ADAMTS3: variants seen among roughly 807,000 people sequenced by gnomAD.
The protein encoded by ADAMTS3 is A disintegrin and metalloproteinase with thrombospondin motifs 3.
A neutral mutation model predicts 129.0 loss-of-function variants in ADAMTS3; 73 were observed. That is an observed-to-expected ratio of 0.57 (90% CI 0.47 to 0.69). The LOEUF (loss-of-function observed/expected upper bound fraction) is 0.69, where lower values mean the gene tolerates loss of function less well. Ranked by LOEUF, ADAMTS3 falls within the 30% of genes least tolerant of loss-of-function variation. The pLI is 0.00. For missense variants in ADAMTS3, 1,457 were observed against 1,514.5 expected, an observed-to-expected ratio of 0.96 and a Z score of 0.63; for synonymous variants, 477 against 510.8, an observed-to-expected ratio of 0.93 and a Z score of 0.89.
At chr4:72,427,631 A>G (rs1162247780) in intron 3 of ADAMTS3, among the ~76,000 whole-genome samples, 1 of 152,102 alleles carries the variant, frequency 6.6e-6, no homozygotes, top group Non-Finnish European at 1.5e-5. Flanking sequence ...AAGGAAAAAA[A>G]CAGAGACAAA....
intron 3 of ADAMTS3, among the ~76,000 whole-genome samples, chr4:72,529,977 A>AT (rs1720938159): frequency 0.12 from 65 of 520 alleles, 17 homozygotes; most frequent in African/African-American, 0.14. Context: ...ATTTATATAT[A>AT]AATATAATAT....
intron 3 of ADAMTS3, among the ~76,000 whole-genome samples, chr4:72,482,052 G>A (rs1719451012): frequency 6.6e-6 from 1 of 152,040 alleles, no homozygotes; most frequent in Admixed American, 6.5e-5. Context: ...CGTTGCTGGT[G>A]GGAATGTAAA....
At chr4:72,386,917 A>G (rs909543527) in intron 4 of ADAMTS3, among the ~76,000 whole-genome samples, 2 of 152,202 alleles carry the variant, frequency 1.3e-5, no homozygotes, top group African/African-American at 4.8e-5. Flanking sequence ...TGACCTTCCT[A>G]TTTTAAAAAT....
rs142257718 is a variant in ADAMTS3, at chr4:72,516,651, G to A, written c.504+31827C>T. Among the ~76,000 whole-genome samples, 885 of 152,228 alleles carry A rather than the reference G, an allele frequency of 5.8e-3. 2 individuals carry two copies. Among genetic ancestry groups the A allele is most frequent in the African/African-American group, 0.02 (849 of 41,536 alleles). On this transcript the variant is annotated intron_variant, in intron 3 of 21. Coordinates refer to ENST00000286657, the MANE Select transcript of ADAMTS3 (RefSeq NM_014243.3). ...GGCTCTCTGCTAGTCCGTTATTGGT[G>A]TATAAGAATGCTTGTGATTTTTGTA...
intron 3 of ADAMTS3, among the ~76,000 whole-genome samples, chr4:72,430,827 T>TAAAAAA (rs5859322): frequency 1.4e-5 from 2 of 143,202 alleles, no homozygotes; most frequent in Non-Finnish European, 1.5e-5. Context: ...CCAAAATCAT[T>TAAAAAA]AAAAAAAAAA....
intron 2 of ADAMTS3, among the ~76,000 whole-genome samples, chr4:72,553,852 C>T (rs1185721264): frequency 6.6e-6 from 1 of 152,174 alleles, no homozygotes; most frequent in Non-Finnish European, 1.5e-5. Context: ...AAGCCTCATT[C>T]TCCACTTCAG....
intron 4 of ADAMTS3, among the ~76,000 whole-genome samples, chr4:72,361,007 C>T (rs1342810503): frequency 2.0e-5 from 3 of 152,084 alleles, no homozygotes; most frequent in South Asian, 2.1e-4. Flanking sequence ...TTCTCAGGAA[C>T]TCTTTCGGGG....
rs866942279 is a variant in ADAMTS3 at position 72,455,834 on chromosome 4, G to C, written c.505-40863C>G. On this transcript the variant is annotated intron_variant, in intron 3 of 21. Coordinates refer to ENST00000286657, the MANE Select transcript of ADAMTS3 (RefSeq NM_014243.3). The stretch of plus-strand genomic sequence containing the variant: ...ATATATTTTACATATAGTATATACA[G>C]TGTATATACTATATATTTTATATAT... Among the ~76,000 whole-genome samples, 75 of 79,120 alleles carry C rather than the reference G, an allele frequency of 9.5e-4. 1 individual carries two copies. Among genetic ancestry groups the C allele is most frequent in the African/African-American group, 3.6e-3 (65 of 18,038 alleles). The allele number at this position is 79,120 out of a possible 152,430, so 51.9% of individuals were successfully genotyped here.
intron 3 of ADAMTS3, among the ~76,000 whole-genome samples, chr4:72,486,294 C>T (rs1021120419): frequency 6.6e-6 from 1 of 152,184 alleles, no homozygotes; most frequent in Admixed American, 6.6e-5. Context: ...TACTCCAACA[C>T]CCAAAATGTA....
intron 3 of ADAMTS3, among the ~76,000 whole-genome samples, chr4:72,529,767 TATG>T (rs966762854): frequency 4.7e-5 from 5 of 105,458 alleles, no homozygotes; most frequent in South Asian, 2.5e-4. Flanking sequence ...AATATTAATA[TATG>T]TTAATTAATA....
chr4:72,351,928 T>C (rs1720448237), intron 4 of ADAMTS3, among the ~76,000 whole-genome samples: 1 of 151,926 alleles, frequency 6.6e-6, no homozygotes, highest in Non-Finnish European at 1.5e-5. Context: ...AAATAAATTT[T>C]ATAAATTAGC....
intron 3 of ADAMTS3, among the ~76,000 whole-genome samples, chr4:72,514,537 T>C (rs1347020768): frequency 2.0e-5 from 3 of 152,188 alleles, no homozygotes; most frequent in African/African-American, 7.2e-5. Context: ...TAGATTTTTA[T>C]CCAGCTAGGC....
intron 11 of ADAMTS3, 37 bp from the exon 12 acceptor site, chr4:72,313,859 G>A (rs376473602): frequency 1.9e-5 from 30 of 1,610,768 alleles, no homozygotes; most frequent in Admixed American, 6.7e-5. Context: ...TTAAAATCAC[G>A]CATACACTAA....
At chr4:72,523,990 T>C (rs910994419) in intron 3 of ADAMTS3, among the ~76,000 whole-genome samples, 5 of 152,200 alleles carry the variant, frequency 3.3e-5, no homozygotes, top group Non-Finnish European at 2.9e-5. Context: ...ACTAAAACTA[T>C]GTAACCTAAT....
chr4:72,490,709 C>A (rs1218346766), intron 3 of ADAMTS3, among the ~76,000 whole-genome samples: 3 of 151,790 alleles, frequency 2.0e-5, no homozygotes, highest in Non-Finnish European at 2.9e-5. Context: ...GGTTTTCATG[C>A]CAGTACCATA....
At chr4:72,410,377 C>T (rs1291638267) in intron 4 of ADAMTS3, among the ~76,000 whole-genome samples, 4 of 152,216 alleles carry the variant, frequency 2.6e-5, no homozygotes, top group African/African-American at 9.6e-5. Context: ...AACACAAGCA[C>T]TCGGGTTCAT....
chr4:72,441,417 G>A (rs1327571386), intron 3 of ADAMTS3, among the ~76,000 whole-genome samples: 2 of 151,530 alleles, frequency 1.3e-5, no homozygotes, highest in African/African-American at 4.8e-5. Flanking sequence ...TACATATCTG[G>A]GATACAAGTT....
At chr4:72,501,006 G>C (rs1400390162) in intron 3 of ADAMTS3, among the ~76,000 whole-genome samples, 1 of 152,142 alleles carries the variant, frequency 6.6e-6, no homozygotes, top group Non-Finnish European at 1.5e-5. Flanking sequence ...TGCTGTTTTA[G>C]TTACTGTAGC....
At chr4:72,457,251 A>G (rs1010234691) in intron 3 of ADAMTS3, among the ~76,000 whole-genome samples, 5 of 151,784 alleles carry the variant, frequency 3.3e-5, no homozygotes, top group Admixed American at 2.0e-4. Context: ...CTGGCAGGAC[A>G]TAACAAAAAT....
Sources: gnomAD v4.1 joint callset for allele counts (sites outside exome capture counted in the v4.1 genomes callset) on GRCh38, gnomAD v4.1.1 for gene constraint, MANE v1.5 for transcripts, NCBI Gene and HGNC (gene_info 2026-07-23, HGNC 2026-07-21) for gene names.